TRPM1: variants seen among roughly 807,000 people sequenced by gnomAD.
TRPM1 encodes the protein transient receptor potential cation channel subfamily M member 1.
A neutral mutation model predicts 149.4 loss-of-function variants in TRPM1; 113 were observed. The ratio of observed to expected loss-of-function variants is 0.76; its 90% confidence interval spans 0.65 to 0.88. TRPM1 has a LOEUF of 0.88. TRPM1 is among the 40% of genes least tolerant of loss of function. TRPM1 has a pLI of 0.00. For synonymous variants in TRPM1, 741 were observed against 759.5 expected (o/e 0.98, Z 0.40); for missense variants, 1,976 against 2,038.7 (o/e 0.97, Z 0.59).
chr15:31,050,044 C>CA (rs145293272), intron 12 of TRPM1, among the ~76,000 whole-genome samples: 6 of 152,046 alleles, frequency 3.9e-5, no homozygotes, highest in African/African-American at 7.2e-5. Context: ...CTCTGTCTGT[C>CA]AAAAAAGGGC....
At chr15:31,109,738 C>T (rs1328105177) in intron 1 of TRPM1, among the ~76,000 whole-genome samples, 1 of 149,950 alleles carries the variant, frequency 6.7e-6, no homozygotes, top group African/African-American at 2.4e-5. Context: ...GGGCTTCAAA[C>T]TGAGCATATA....
intron 2 of TRPM1, among the ~76,000 whole-genome samples, chr15:31,080,259 T>C (rs940906242): frequency 6.6e-6 from 1 of 152,198 alleles, no homozygotes; most frequent in Admixed American, 6.5e-5. Context: ...CGTATTTACA[T>C]AATCTCAAAG....
chr15:31,054,256 C>T (rs904962132), intron 11 of TRPM1, among the ~76,000 whole-genome samples: 1 of 151,636 alleles, frequency 6.6e-6, no homozygotes, highest in Non-Finnish European at 1.5e-5. Context: ...TCAAACGTCT[C>T]TCTTTTTCTC....
chr15:31,080,628 AAG>A (rs2034830815), intron 2 of TRPM1, among the ~76,000 whole-genome samples: 1 of 13,960 alleles, frequency 7.2e-5, no homozygotes, highest in Non-Finnish European at 1.7e-4. Context: ...CCCCGCCCCC[AAG>A]TCCGCCCCCA....
chr15:31,039,249 C>T (rs969391188), intron 18 of TRPM1, among the ~76,000 whole-genome samples: 3 of 152,132 alleles, frequency 2.0e-5, no homozygotes, highest in Middle Eastern at 3.4e-3. Flanking sequence ...ATGTTCATCC[C>T]CATGTAGGCG....
chr15:31,069,297 A>C (rs912724899), intron 4 of TRPM1: 2 of 496,664 alleles, frequency 4.0e-6, no homozygotes, highest in Non-Finnish European at 5.2e-6. Flanking sequence ...GGAGGAGGCT[A>C]ATAATGCTCA....
intron 11 of TRPM1, among the ~76,000 whole-genome samples, chr15:31,052,315 A>G (rs1220104553): frequency 1.3e-5 from 2 of 152,190 alleles, no homozygotes; most frequent in African/African-American, 4.8e-5. Flanking sequence ...CATGCAGATA[A>G]AACCGTTATG....
At chr15:31,042,331 T>A (rs2033645887) in intron 16 of TRPM1, 88 bp from the exon 17 acceptor site, 1 of 1,397,726 alleles carries the variant, frequency 7.2e-7, no homozygotes, top group African/African-American at 1.4e-5. Context: ...GAACCCTTTC[T>A]GTCAGAGGTA....
intron 3 of TRPM1, among the ~76,000 whole-genome samples, chr15:31,072,524 T>A (rs1479670280): frequency 6.6e-6 from 1 of 152,164 alleles, no homozygotes; most frequent in Admixed American, 6.5e-5. Context: ...GTTTTCATTT[T>A]TCTTGGGTAT....
intron 27 of TRPM1, among the ~76,000 whole-genome samples, chr15:31,018,775 C>G (rs114743193): frequency 6.6e-6 from 1 of 152,200 alleles, no homozygotes; most frequent in East Asian, 1.9e-4. Flanking sequence ...AAGTGATTCT[C>G]GTGCCTCAGT....
Position 31,081,387 on chromosome 15 carries a change from C to T in TRPM1, c.-32G>A. 6.5e-7 allele frequency: 1 copy of T among 1,534,986 alleles called. No individual in the cohort carries two copies. The highest frequency in any genetic ancestry group is 8.7e-7 in the Non-Finnish European group (1 of 1,146,570). On this transcript the variant is annotated 5_prime_UTR_variant, in exon 2 of 28. Coordinates refer to ENST00000256552, the MANE Select transcript of TRPM1 (RefSeq NM_001252024.2). The stretch of plus-strand genomic sequence containing the variant: ...TCAAAAAGTTGATATAAGGAAATAG[C>T]CTCAGTCCAGCACTGCAAGTTACTG...
chr15:31,100,285 T>C (rs938618823), intron 1 of TRPM1, among the ~76,000 whole-genome samples: 1 of 151,924 alleles, frequency 6.6e-6, no homozygotes, highest in Non-Finnish European at 1.5e-5. Flanking sequence ...CCATGTTGGC[T>C]AGGATGGTCT....
intron 23 of TRPM1, among the ~76,000 whole-genome samples, chr15:31,030,151 A>G (rs1225378228): frequency 6.6e-6 from 1 of 152,252 alleles, no homozygotes; most frequent in Non-Finnish European, 1.5e-5. Context: ...GAGGCAGTAG[A>G]TATACACTGA....
Position 31,096,338 on chromosome 15 carries a change from A to G in TRPM1, c.-84+5319T>C, listed in dbSNP as rs1217535926. Among the ~76,000 whole-genome samples, 5 of 152,216 alleles carry G rather than the reference A, an allele frequency of 3.3e-5. 1 individual carries two copies. The highest frequency in any genetic ancestry group is 1.2e-4 in the African/African-American group (5 of 41,454). On this transcript the variant is annotated intron_variant, in intron 1 of 27. Coordinates refer to ENST00000256552, the MANE Select transcript of TRPM1 (RefSeq NM_001252024.2). The stretch of plus-strand genomic sequence containing the variant: ...TCTTATACACTTTTTAAAATGCTTT[A>G]TTTAGCAATAAAACATCTTAAAAGA...
chr15:31,022,613 G>C (rs1283000178), intron 27 of TRPM1, among the ~76,000 whole-genome samples: 1 of 152,226 alleles, frequency 6.6e-6, no homozygotes, highest in East Asian at 1.9e-4. Flanking sequence ...TGGCTCTTGA[G>C]TCTGCTCCTA....
At chr15:31,025,990 C>T (rs924351710) in intron 27 of TRPM1, 149 bp downstream of exon 27, 4 of 1,115,728 alleles carry the variant, frequency 3.6e-6, no homozygotes, top group African/African-American at 3.1e-5. Flanking sequence ...CTCACTATTT[C>T]GTGGGAACCA....
At chr15:31,152,544 T>C (rs1412289808) in intron 1 of TRPM1, among the ~76,000 whole-genome samples, 1 of 152,258 alleles carries the variant, frequency 6.6e-6, no homozygotes, top group Non-Finnish European at 1.5e-5. Context: ...CCTGAAAAAC[T>C]AGTTCAGGCC....
At chr15:31,088,327 G>A (rs2035062239) in intron 1 of TRPM1, among the ~76,000 whole-genome samples, 1 of 152,196 alleles carries the variant, frequency 6.6e-6, no homozygotes, top group Admixed American at 6.5e-5. Context: ...ATCCGCTCGG[G>A]TCTCCTTATT....
intron 17 of TRPM1, among the ~76,000 whole-genome samples, chr15:31,041,300 G>A (rs1034141981): frequency 1.3e-5 from 2 of 151,588 alleles, no homozygotes; most frequent in African/African-American, 2.4e-5. Flanking sequence ...GACTACAGGC[G>A]CCCGCCACTA....
Sources: allele counts gnomAD v4.1 joint callset (sites outside exome capture counted in the v4.1 genomes callset), GRCh38; gene constraint gnomAD v4.1.1; transcripts MANE v1.5; gene names NCBI Gene and HGNC (gene_info 2026-07-23, HGNC 2026-07-21).